PLCG2: variants seen among roughly 807,000 people sequenced by gnomAD.
PLCG2 encodes phospholipase C gamma 2.
Under a neutral mutation model 175.6 loss-of-function variants are expected in PLCG2, and 69 were observed. The observed-to-expected ratio is 0.39, with a 90% CI of 0.32 to 0.48. PLCG2 has a LOEUF of 0.48. Among genes scored for constraint, PLCG2 ranks in the 20% least tolerant of loss-of-function variants. PLCG2 has a pLI of 0.91. For synonymous variants in PLCG2, 827 were observed against 624.0 expected (o/e 1.33, Z -4.85); for missense variants, 1,798 against 1,650.9 (o/e 1.09, Z -1.54).
chr16:81,887,776 G>T (rs1908443202), intron 9 of PLCG2, among the ~76,000 whole-genome samples: 2 of 152,200 alleles, frequency 1.3e-5, no homozygotes, highest in Non-Finnish European at 2.9e-5. Context: ...GATCAAAGTT[G>T]AATTTACATG....
At chr16:81,750,973 T>A (rs1332950644) in intron 1 of PLCG2, among the ~76,000 whole-genome samples, 1 of 34,650 alleles carries the variant, frequency 2.9e-5, no homozygotes, top group African/African-American at 9.3e-5. Context: ...GCACCCAGCT[T>A]TTTTTTTTTT....
At chr16:81,871,063 G>C in intron 7 of PLCG2, 128 bp downstream of exon 7, 1 of 558,848 alleles carries the variant, frequency 1.8e-6, no homozygotes, top group Non-Finnish European at 3.1e-6. Context: ...ACATAAATGA[G>C]AATGATGAAA....
intron 2 of PLCG2, among the ~76,000 whole-genome samples, chr16:81,805,783 G>T (rs5818352): frequency 0.15 from 12,403 of 81,710 alleles, 1,632 homozygotes; most frequent in African/African-American, 0.29. Flanking sequence ...TTTTTTTTTT[G>T]TTTTTTTTTT....
intron 2 of PLCG2, among the ~76,000 whole-genome samples, chr16:81,788,844 AC>A (rs1267702249): frequency 6.6e-6 from 1 of 151,378 alleles, no homozygotes; most frequent in African/African-American, 2.4e-5. Context: ...GGCCGGCTCC[AC>A]CCCCAGGTGG....
chr16:81,923,188 C>T lies in PLCG2; in HGVS notation c.2308-297C>T, dbSNP rs147914732. On this transcript the variant is annotated intron_variant, in intron 21 of 32. Transcript: ENST00000564138. Reference sequence around the variant, plus strand: ...GGTCACTCCCACCCTAACCCTAAGCCTAACCCTAACCCCAGCGCTAAACCC... The same window carrying T: ...GGTCACTCCCACCCTAACCCTAAGCTTAACCCTAACCCCAGCGCTAAACCC... 5.5e-3 allele frequency among the ~76,000 whole-genome samples: 830 copies of T among 152,084 alleles called. 21 individuals are homozygous for T. The highest frequency in any genetic ancestry group is 5.0e-3 in the East Asian group (26 of 5,168).
chr16:81,891,641 G>C, intron 11 of PLCG2, 51 bp downstream of exon 11: 1 of 1,044,534 alleles, frequency 9.6e-7, no homozygotes, highest in Non-Finnish European at 1.5e-6. Context: ...AGCACGTGAG[G>C]GTTGAGGCAG....
chr16:81,898,298 A>G (rs1278690912), intron 13 of PLCG2: 1 of 153,126 alleles, frequency 6.5e-6, no homozygotes, highest in Non-Finnish European at 1.5e-5. Context: ...TATTGGTATT[A>G]AGAGGGATTT....
intron 3 of PLCG2, among the ~76,000 whole-genome samples, chr16:81,855,545 T>C (rs1463824349): frequency 6.6e-6 from 1 of 152,248 alleles, no homozygotes; most frequent in African/African-American, 2.4e-5. Flanking sequence ...CTTTTGAGCC[T>C]ATACTCTGTG....
At chr16:81,824,819 A>T (rs1355234778) in intron 2 of PLCG2, among the ~76,000 whole-genome samples, 1 of 152,252 alleles carries the variant, frequency 6.6e-6, no homozygotes, top group African/African-American at 2.4e-5. Flanking sequence ...TGGATATGTT[A>T]CATTATGTGG....
chr16:81,764,012 G>C (rs1487055621), intron 2 of PLCG2, among the ~76,000 whole-genome samples: 2 of 151,782 alleles, frequency 1.3e-5, no homozygotes, highest in African/African-American at 4.8e-5. Context: ...AAGTTCTGAG[G>C]CTGGGTGCAG....
chr16:81,781,095 A>G (rs1293355240), intron 1 of PLCG2, among the ~76,000 whole-genome samples: 2 of 118,520 alleles, frequency 1.7e-5, no homozygotes, highest in Non-Finnish European at 3.6e-5. Context: ...GAACACAAAG[A>G]GAAAAATTTG....
chr16:81,792,109 C>T (rs1911259261), intron 2 of PLCG2, among the ~76,000 whole-genome samples: 1 of 152,176 alleles, frequency 6.6e-6, no homozygotes, highest in African/African-American at 2.4e-5. Context: ...CCCACATGAG[C>T]ATGTCGACTC....
At chr16:81,953,291 T>C (rs9928191) in intron 31 of PLCG2, among the ~76,000 whole-genome samples, 2 of 151,810 alleles carry the variant, frequency 1.3e-5, no homozygotes, top group South Asian at 4.2e-4. Context: ...AGATCTGTAG[T>C]TTTAGTATTG....
chr16:81,810,598 G>A (rs1007757986), intron 2 of PLCG2, among the ~76,000 whole-genome samples: 4 of 150,592 alleles, frequency 2.7e-5, no homozygotes, highest in African/African-American at 9.8e-5. Flanking sequence ...GCAAACAGGT[G>A]TCCTTTCTGC....
chr16:81,794,877 A>C (rs1326263458), intron 2 of PLCG2, among the ~76,000 whole-genome samples: 2 of 152,186 alleles, frequency 1.3e-5, no homozygotes, highest in Non-Finnish European at 1.5e-5. Context: ...CTCCCCCTGG[A>C]GTATGTGTCC....
chr16:81,781,559 A>G (rs1567460370), intron 1 of PLCG2, among the ~76,000 whole-genome samples: 1 of 152,194 alleles, frequency 6.6e-6, no homozygotes, highest in South Asian at 2.1e-4. Flanking sequence ...GTAGCTGCTC[A>G]CAGGTTGCCC....
At chr16:81,779,166 A>G (rs3935647), upstream of PLCG2, 85,545 of 151,888 alleles carry the variant, frequency 0.56, 24,536 homozygotes, top group South Asian at 0.75. Flanking sequence ...GGGACGCTGC[A>G]CTCGGGGTGC....
chr16:81,777,838 A>G (rs1238739373), upstream of PLCG2, among the ~76,000 whole-genome samples: 1 of 151,798 alleles, frequency 6.6e-6, no homozygotes, highest in Non-Finnish European at 1.5e-5. Flanking sequence ...CAACATAGTG[A>G]AACCGCGTCT....
intron 1 of PLCG2, chr16:81,783,109 C>T (rs892844575): frequency 4.1e-6 from 2 of 484,776 alleles, no homozygotes; most frequent in Non-Finnish European, 4.1e-6. Flanking sequence ...GGAGCCTGGT[C>T]CCTTGTCCTG....
Sources: gnomAD v4.1 joint callset for allele counts (sites outside exome capture counted in the v4.1 genomes callset) on GRCh38, gnomAD v4.1.1 for gene constraint, MANE v1.5 for transcripts, NCBI Gene and HGNC (gene_info 2026-07-23, HGNC 2026-07-21) for gene names.